Variants in ADGRL2 observed in about 807,000 individuals in gnomAD.
The protein encoded by ADGRL2 is calcium-independent alpha-latrotoxin receptor 2.
A neutral mutation model predicts 157.4 loss-of-function variants in ADGRL2; 44 were observed. That is an observed-to-expected ratio of 0.28 (90% CI 0.22 to 0.36). The LOEUF is 0.36. Among genes scored for constraint, ADGRL2 ranks in the 10% least tolerant of loss-of-function variants. The pLI, the probability that ADGRL2 is intolerant of heterozygous loss-of-function variation, is 1.00. For missense variants in ADGRL2, 1,510 were observed against 1,768.9 expected (o/e 0.85, Z 2.63); for synonymous variants, 585 against 624.7 (o/e 0.94, Z 0.95).
intron 1 of ADGRL2, among the ~76,000 whole-genome samples, chr1:81,390,630 C>A (rs1006404319): frequency 1.3e-5 from 2 of 152,304 alleles, no homozygotes; most frequent in Admixed American, 6.5e-5. Context: ...CCATACCTAT[C>A]CTAATAGATT....
In ADGRL2 at chr1:81,990,962, G is replaced by A. The variant is rs1377405426; in HGVS notation, c.4227G>A (p.Arg1409=). The A allele has an allele frequency of 6.2e-7, 1 of 1,613,932 alleles. No individual in the cohort carries two copies. Among genetic ancestry groups the A allele is most frequent in the Non-Finnish European group, 8.5e-7 (1 of 1,179,994 alleles). ...AAGAAGACCTCTCTCCCTCCAGGAG[G>A]AGTGAGAATGAGGACATTTACTATA... ...DMEEDLSPSR[R]SENEDIYYKS... Residue 1409 remains arginine, a synonymous_variant, in exon 24 of 24, where the codon AGG becomes AGA. Transcript: ENST00000686636.
Position 81,747,311 on chromosome 1 carries a change from T to TTTTC in ADGRL2, c.-142-14497_-142-14496insCTTT, listed in dbSNP as rs1320276329. Among the ~76,000 whole-genome samples, 718 of 149,722 alleles carry TTTTC rather than the reference T, an allele frequency of 4.8e-3. 4 individuals are homozygous for TTTTC. The highest frequency in any genetic ancestry group is 0.017 in the African/African-American group (698 of 40,712). ...TACATGTGTATATATATATATATTT[T>TTTTC]TTTTTTTGAGATGGAGTCTTGCTCT... is the stretch of plus-strand genomic sequence containing the variant. On this transcript the variant is annotated intron_variant, in intron 1 of 20. Transcript: ENST00000359929.
At chr1:81,709,124 A>G (rs775108342) in intron 1 of ADGRL2, among the ~76,000 whole-genome samples, 1 of 152,164 alleles carries the variant, frequency 6.6e-6, no homozygotes, top group Non-Finnish European at 1.5e-5. Flanking sequence ...AACTCTGCCA[A>G]TGAAACGATG....
At chr1:81,390,787 A>T (rs1472176737) in intron 1 of ADGRL2, among the ~76,000 whole-genome samples, 5 of 152,308 alleles carry the variant, frequency 3.3e-5, no homozygotes, top group Non-Finnish European at 7.3e-5. Context: ...GTATTTCATT[A>T]TATGAATGCA....
At chr1:81,545,479 C>T (rs2079993140) in intron 2 of ADGRL2, among the ~76,000 whole-genome samples, 1 of 151,960 alleles carries the variant, frequency 6.6e-6, no homozygotes, top group African/African-American at 2.4e-5. Flanking sequence ...CAGGGTTTCA[C>T]CACGTTGGCC....
At chr1:81,549,595 A>G (rs2080095569) in intron 2 of ADGRL2, among the ~76,000 whole-genome samples, 1 of 152,322 alleles carries the variant, frequency 6.6e-6, no homozygotes, top group South Asian at 2.1e-4. Context: ...AGAGAATACT[A>G]TAAATAAGCA....
intron 2 of ADGRL2, among the ~76,000 whole-genome samples, chr1:81,885,986 C>T (rs763597720): frequency 6.6e-6 from 1 of 152,066 alleles, no homozygotes; most frequent in Non-Finnish European, 1.5e-5. Flanking sequence ...TTATATTGGG[C>T]GATGGTAATC....
chr1:81,787,484 A>C (rs780194021), intron 2 of ADGRL2, among the ~76,000 whole-genome samples: 1 of 151,770 alleles, frequency 6.6e-6, no homozygotes, highest in Non-Finnish European at 1.5e-5. Flanking sequence ...GTGAAACCCT[A>C]TCTCTACCGA....
chr1:81,308,815 C>G (rs564027055), intron 1 of ADGRL2, among the ~76,000 whole-genome samples: 40 of 152,140 alleles, frequency 2.6e-4, no homozygotes, highest in Non-Finnish European at 5.0e-4. Context: ...ATGGTCACAG[C>G]CTTCAACTCC....
chr1:81,894,318 A>G (rs2094335341), intron 2 of ADGRL2, among the ~76,000 whole-genome samples: 1 of 152,200 alleles, frequency 6.6e-6, no homozygotes, highest in Non-Finnish European at 1.5e-5. Flanking sequence ...TAGAGTTCAC[A>G]GAGTGGGTTC....
At chr1:81,391,027 C>T (rs2076540949) in intron 1 of ADGRL2, among the ~76,000 whole-genome samples, 1 of 152,304 alleles carries the variant, frequency 6.6e-6, no homozygotes, top group Non-Finnish European at 1.5e-5. Context: ...AGAAGATCCT[C>T]ACACTAAAAC....
chr1:81,636,866 C>A (rs2082124421), intron 3 of ADGRL2, among the ~76,000 whole-genome samples: 1 of 152,136 alleles, frequency 6.6e-6, no homozygotes, highest in Non-Finnish European at 1.5e-5. Flanking sequence ...AACAGAGTCT[C>A]CCTCTGTCGC....
chr1:81,581,479 GA>G (rs2080905884), intron 3 of ADGRL2, among the ~76,000 whole-genome samples: 1 of 152,112 alleles, frequency 6.6e-6, no homozygotes, highest in Non-Finnish European at 1.5e-5. Flanking sequence ...AAGTAATGTG[GA>G]TATCTTTACT....
intron 2 of ADGRL2, chr1:81,557,945 G>C (rs901297455): frequency 6.6e-6 from 1 of 152,202 alleles, no homozygotes; most frequent in East Asian, 1.9e-4. Context: ...TGAGGAGGGC[G>C]CACCTCTGTT....
chr1:81,658,557 A>G (rs2082584976), intron 3 of ADGRL2, among the ~76,000 whole-genome samples: 1 of 152,148 alleles, frequency 6.6e-6, no homozygotes, highest in Admixed American at 6.6e-5. Context: ...CTTATCCGTC[A>G]TTCCCCTCCC....
intron 1 of ADGRL2, among the ~76,000 whole-genome samples, chr1:81,804,571 G>A (rs1184360496): frequency 6.6e-6 from 1 of 152,206 alleles, no homozygotes; most frequent in Non-Finnish European, 1.5e-5. Context: ...AACTTTTACT[G>A]TTTTGTAGTT....
At chr1:81,862,343 C>T (rs1245627834) in intron 2 of ADGRL2, among the ~76,000 whole-genome samples, 1 of 152,146 alleles carries the variant, frequency 6.6e-6, no homozygotes, top group African/African-American at 2.4e-5. Context: ...TCATAATGAG[C>T]CAACCCCTTT....
chr1:81,421,364 G>T (rs748933532), intron 1 of ADGRL2, among the ~76,000 whole-genome samples: 14 of 152,134 alleles, frequency 9.2e-5, no homozygotes, highest in Non-Finnish European at 1.6e-4. Context: ...TACAATAATG[G>T]ATGCCTAAGG....
intron 2 of ADGRL2, among the ~76,000 whole-genome samples, chr1:81,783,109 A>G (rs1391478): frequency 0.71 from 108,684 of 152,112 alleles, 39,389 homozygotes; most frequent in East Asian, 1. Flanking sequence ...CTTTGCCTGT[A>G]TTCACCTTTC....
Sources: gnomAD v4.1 joint callset for allele counts (sites outside exome capture counted in the v4.1 genomes callset) on GRCh38, gnomAD v4.1.1 for gene constraint, MANE v1.5 for transcripts, NCBI Gene and HGNC (gene_info 2026-07-23, HGNC 2026-07-21) for gene names.